The following CACNA1A variants were observed in gnomAD, a reference collection of about 807,000 sequenced individuals.
The protein encoded by CACNA1A is voltage-dependent P/Q-type calcium channel subunit alpha-1A.
CACNA1A carries 57 observed loss-of-function variants against 262.4 expected under a neutral mutation model. The observed-to-expected ratio is 0.22, with a 90% CI of 0.18 to 0.27. CACNA1A has a LOEUF of 0.27. CACNA1A is among the 10% of genes least tolerant of loss of function. The probability of loss-of-function intolerance (pLI) is 1.00; values close to 1 mark genes in which losing one functional copy is unlikely to be tolerated. For missense variants in CACNA1A, 2,526 were observed against 3,562.8 expected (o/e 0.71, Z 7.41); for synonymous variants, 1,431 against 1,419.3 (o/e 1.01, Z -0.18).
At chr19:13,414,490 A>G (rs575187662) in intron 3 of CACNA1A, among the ~76,000 whole-genome samples, 1 of 152,326 alleles carries the variant, frequency 6.6e-6, no homozygotes, top group African/African-American at 2.4e-5. Context: ...TTTAAAAACC[A>G]GGGAATGTTG....
chr19:13,429,698 T>C (rs2060470350), intron 3 of CACNA1A, among the ~76,000 whole-genome samples: 2 of 151,592 alleles, frequency 1.3e-5, no homozygotes, highest in Non-Finnish European at 2.9e-5. Context: ...TTATTTACAA[T>C]AGCCAAAAGG....
chr19:13,440,127 T>G (rs2060690002), intron 3 of CACNA1A, among the ~76,000 whole-genome samples: 1 of 152,098 alleles, frequency 6.6e-6, no homozygotes, highest in Admixed American at 6.5e-5. Context: ...CCCCAGCTAA[T>G]TAAAAAATTT....
At chr19:13,426,648 C>T (rs117070425) in intron 3 of CACNA1A, among the ~76,000 whole-genome samples, 84 of 152,246 alleles carry the variant, frequency 5.5e-4, no homozygotes, top group Non-Finnish European at 1.1e-3. Context: ...ACATAGTGGG[C>T]GTGGTTAATA....
rs573069942 is a variant in CACNA1A, at chr19:13,421,010, C to T, written c.539+31866G>A. Among the ~76,000 whole-genome samples the T allele has an allele frequency of 5.9e-5, 9 of 152,292 alleles. No homozygotes were observed. In the South Asian group the frequency reaches 1.7e-3, roughly 28 times the overall value. ...TGGTATGATCACATGATTAAGTTTC[C>T]ATCAGTGATATGTCAGTGGAAGTGA... On this transcript the variant is annotated intron_variant, in intron 3 of 46. Transcript: ENST00000360228.
At chr19:13,330,178 C>G (rs959436736) in intron 10 of CACNA1A, 66 bp downstream of exon 10, 106 of 1,203,858 alleles carry the variant, frequency 8.8e-5, no homozygotes, top group Non-Finnish European at 1.2e-4. Flanking sequence ...CCTCTGCCCC[C>G]ACCCCACCAT....
intron 29 of CACNA1A, among the ~76,000 whole-genome samples, chr19:13,253,445 CTTT>C (rs57960659): frequency 1.1e-5 from 1 of 94,230 alleles, no homozygotes; most frequent in Non-Finnish European, 1.9e-5. Context: ...CTGAATTATA[CTTT>C]TTTTTTTTTT....
rs60111064 is a variant in CACNA1A at position 13,300,317 on chromosome 19, AT to A, written c.2279+232del. On this transcript the variant is annotated intron_variant, in intron 18 of 46. Coordinates refer to ENST00000360228, the MANE Select transcript of CACNA1A (RefSeq NM_001127222.2). The stretch of plus-strand genomic sequence containing the variant: ...GCTAGAATGGCTACACACAGGTGGG[AT>A]TTTTTTTTTCCTCCTTGTTAATGCT... Among the ~76,000 whole-genome samples the A allele has an allele frequency of 0.21, 31,943 of 150,998 alleles. 4,262 individuals are homozygous for A. The highest frequency in any genetic ancestry group is 0.29 in the Non-Finnish European group (19,315 of 67,688).
intron 24 of CACNA1A, chr19:13,271,212 C>CTTT (rs1568481313): frequency 1.0e-5 from 1 of 96,986 alleles, no homozygotes; most frequent in African/African-American, 4.1e-5. Context: ...AATCATTCTG[C>CTTT]TGTTTTTTTT....
At chr19:13,216,785 C>T (rs2055029338) in intron 38 of CACNA1A, among the ~76,000 whole-genome samples, 1 of 152,078 alleles carries the variant, frequency 6.6e-6, no homozygotes, top group Non-Finnish European at 1.5e-5. Flanking sequence ...CTCCTGGGCT[C>T]AAGCAATCCA....
At position 13,241,455 on chromosome 19, in the gene CACNA1A, C is replaced by T. The variant is rs925523924; in HGVS notation, c.4950+3727G>A. ...AGAGGCAGGGTGTGGCATGCAATGC[C>T]GACGCGAGGAGATGCGTTCACAGTT... On this transcript the variant is annotated intron_variant, in intron 31 of 46. Coordinates refer to ENST00000360228, the MANE Select transcript of CACNA1A (RefSeq NM_001127222.2). This position sits in a 1 kb window ranked among gnomAD's most constrained non-coding sequence, Gnocchi z 4.0. 17 of 1,169,552 alleles carry T rather than the reference C, an allele frequency of 1.5e-5. No individual in the cohort carries two copies. The highest frequency in any genetic ancestry group is 1.2e-4 in the African/African-American group (8 of 65,570). 72.4% of individuals were successfully genotyped at this position (1,169,552 alleles called of 1,614,324 possible).
At chr19:13,219,014 G>A (rs992092462) in intron 38 of CACNA1A, among the ~76,000 whole-genome samples, 2 of 150,660 alleles carry the variant, frequency 1.3e-5, no homozygotes, top group African/African-American at 4.9e-5. Context: ...GATTACAGGC[G>A]TAAGCCACCA....
At chr19:13,453,527 C>A (rs2060953635) in intron 2 of CACNA1A, among the ~76,000 whole-genome samples, 1 of 152,184 alleles carries the variant, frequency 6.6e-6, no homozygotes, top group African/African-American at 2.4e-5. Context: ...AGAGCTTGTG[C>A]ATTGACCTCA....
intron 3 of CACNA1A, among the ~76,000 whole-genome samples, chr19:13,449,893 C>T (rs1227633254): frequency 6.6e-6 from 1 of 152,266 alleles, no homozygotes; most frequent in East Asian, 1.9e-4. Flanking sequence ...GTAATCCCAG[C>T]ACTTTGGGAG....
chr19:13,484,142 G>A (rs373180396), intron 1 of CACNA1A, among the ~76,000 whole-genome samples: 17 of 152,122 alleles, frequency 1.1e-4, no homozygotes, highest in Middle Eastern at 3.4e-3. Flanking sequence ...AACTTCCCCC[G>A]TTCTATAAAA....
chr19:13,416,041 C>T (rs1015052866), intron 3 of CACNA1A, among the ~76,000 whole-genome samples: 6 of 152,174 alleles, frequency 3.9e-5, no homozygotes, highest in Non-Finnish European at 5.9e-5. Context: ...AGCCACCACC[C>T]ACAAGGGATG....
intron 20 of CACNA1A, among the ~76,000 whole-genome samples, chr19:13,285,597 C>T (rs942935726): frequency 2.0e-5 from 3 of 152,072 alleles, no homozygotes; most frequent in Non-Finnish European, 4.4e-5. Flanking sequence ...ACCTTCACAC[C>T]CTCACTTGCA....
At chr19:13,505,510 C>T (rs996135652) in intron 1 of CACNA1A, among the ~76,000 whole-genome samples, 3 of 152,136 alleles carry the variant, frequency 2.0e-5, no homozygotes, top group Non-Finnish European at 4.4e-5. Context: ...CCAAGAAAAC[C>T]CAACCAAGGC....
intron 10 of CACNA1A, among the ~76,000 whole-genome samples, chr19:13,320,275 A>AGAGAGAGAGAGAGAGAG (rs60301241): frequency 3.3e-5 from 5 of 150,364 alleles, no homozygotes; most frequent in East Asian, 3.9e-4. Context: ...AGAGAGAGAG[A>AGAGAGAGAGAGAGAGAG]AACCACAGCA....
intron 34 of CACNA1A, chr19:13,234,681 A>G: frequency 2.0e-6 from 1 of 510,552 alleles, no homozygotes; most frequent in Non-Finnish European, 3.5e-6. Flanking sequence ...CCCCCACACC[A>G]GAAAAGGAGG....
Sources: gnomAD v4.1 joint callset for allele counts (sites outside exome capture counted in the v4.1 genomes callset) on GRCh38, gnomAD v4.1.1 for gene constraint, Gnocchi (gnomAD v3.1) non-coding constraint, MANE v1.5 for transcripts, NCBI Gene and HGNC (gene_info 2026-07-23, HGNC 2026-07-21) for gene names.